Variants in FER observed in about 807,000 individuals in gnomAD.
The protein encoded by FER is tyrosine-protein kinase Fer.
A neutral mutation model predicts 111.0 loss-of-function variants in FER; 63 were observed. The observed-to-expected ratio is 0.57, with a 90% CI of 0.46 to 0.70. The LOEUF (loss-of-function observed/expected upper bound fraction) is 0.70, where lower values mean the gene tolerates loss of function less well. Among genes scored for constraint, FER ranks in the 30% least tolerant of loss-of-function variants. FER has a pLI of 0.00. For missense variants in FER, 914 were observed against 954.0 expected, an observed-to-expected ratio of 0.96 and a Z score of 0.55; for synonymous variants, 327 against 313.9, an observed-to-expected ratio of 1.04 and a Z score of -0.44.
At chr5:108,770,709 T>G (rs977939838) in intron 2 of FER, among the ~76,000 whole-genome samples, 9 of 152,170 alleles carry the variant, frequency 5.9e-5, no homozygotes, top group African/African-American at 2.2e-4. Context: ...CACCCTTAGA[T>G]GTATGTCATA....
intron 2 of FER, among the ~76,000 whole-genome samples, chr5:108,771,991 A>T (rs930518210): frequency 1.3e-5 from 2 of 152,192 alleles, no homozygotes; most frequent in Admixed American, 1.3e-4. Context: ...GGAGTCTAGG[A>T]AGTCCAACAT....
intron 5 of FER, among the ~76,000 whole-genome samples, chr5:108,836,587 T>TAA (rs1760684877): frequency 1.3e-5 from 2 of 152,178 alleles, no homozygotes; most frequent in South Asian, 4.1e-4. Flanking sequence ...GAATCTCTAT[T>TAA]TTATTTTGGT....
At chr5:109,186,765 A>G (rs1758918213) in intron 19 of FER, among the ~76,000 whole-genome samples, 1 of 152,224 alleles carries the variant, frequency 6.6e-6, no homozygotes, top group African/African-American at 2.4e-5. Flanking sequence ...ATAGATGGGA[A>G]TAACTAAGTA....
At chr5:109,132,802 T>A (rs1166142393) in intron 17 of FER, among the ~76,000 whole-genome samples, 1 of 152,172 alleles carries the variant, frequency 6.6e-6, no homozygotes. Context: ...AAAGGGACTG[T>A]CACATCATCT....
At chr5:108,836,302 A>T (rs958654201) in intron 5 of FER, among the ~76,000 whole-genome samples, 2 of 152,114 alleles carry the variant, frequency 1.3e-5, no homozygotes, top group African/African-American at 4.8e-5. Context: ...AGAGAAGCAT[A>T]TTATTTATGT....
intron 13 of FER, among the ~76,000 whole-genome samples, chr5:109,028,640 G>A (rs766611716): frequency 2.0e-5 from 3 of 152,176 alleles, no homozygotes; most frequent in African/African-American, 2.4e-5. Flanking sequence ...ACACCCCCAA[G>A]TTCAGTGATC....
intron 10 of FER, chr5:108,924,893 A>G: frequency 2.2e-6 from 2 of 907,434 alleles, no homozygotes; most frequent in Non-Finnish European, 2.9e-6. Context: ...AATGGGAAGG[A>G]TAATTTCTCT....
intron 17 of FER, among the ~76,000 whole-genome samples, chr5:109,140,169 GAT>G (rs1753374836): frequency 6.6e-6 from 1 of 152,104 alleles, no homozygotes; most frequent in South Asian, 2.1e-4. Context: ...ATTAAAAATT[GAT>G]TATTTGAGTG....
chr5:109,059,450 C>A (rs757935492), intron 16 of FER, among the ~76,000 whole-genome samples: 3 of 152,098 alleles, frequency 2.0e-5, no homozygotes, highest in Admixed American at 1.3e-4. Context: ...ATCGCTTGAA[C>A]CCGGGAGGCG....
At chr5:109,020,452 ATTCT>A (rs1275738046) in intron 13 of FER, among the ~76,000 whole-genome samples, 1 of 151,938 alleles carries the variant, frequency 6.6e-6, no homozygotes, top group African/African-American at 2.4e-5. Flanking sequence ...CATCCTTTTC[ATTCT>A]TTGTTATTTA....
intron 3 of FER, among the ~76,000 whole-genome samples, chr5:108,830,320 G>T (rs545320095): frequency 1.4e-4 from 22 of 152,182 alleles, no homozygotes; most frequent in South Asian, 4.2e-4. Context: ...TGGGCGTAGT[G>T]GTTCACACAT....
Position 108,867,763 on chromosome 5 carries a change from T to TTTC in FER, c.482-4_482-3insTTC, listed in dbSNP as rs1561536164. ...TAACTTTCTTCAGTTTTTTTTTTTT[T>TTTC]CAGGGAAGGAAACTGAAAAGGCCAA... On this transcript the variant is annotated splice_polypyrimidine_tract_variant and splice_region_variant and intron_variant, in intron 5 of 19. Coordinates refer to ENST00000281092, the MANE Select transcript of FER (RefSeq NM_005246.4). The TTTC allele has an allele frequency of 1.9e-6, 3 of 1,589,556 alleles. No individual in the cohort carries two copies. The African/African-American group carries it at 4.2e-5, about 22-fold the overall frequency.
chr5:108,759,715 G>A (rs1751506750), intron 1 of FER, among the ~76,000 whole-genome samples: 1 of 152,210 alleles, frequency 6.6e-6, no homozygotes, highest in Non-Finnish European at 1.5e-5. Flanking sequence ...TCACATGGCA[G>A]AAGAGAAGAG....
intron 2 of FER, among the ~76,000 whole-genome samples, chr5:108,794,526 A>ACCCCCCCCCCC (rs138716410): frequency 4.2e-4 from 45 of 106,348 alleles, no homozygotes; most frequent in Admixed American, 5.1e-4. Flanking sequence ...CCCCCTCCGC[A>ACCCCCCCCCCC]CCCCCCCCCC....
Position 108,927,776 on chromosome 5 carries a change from C to A in FER, c.1237-18354C>A, listed in dbSNP as rs960149469. On this transcript the variant is annotated intron_variant, in intron 10 of 19. Transcript: ENST00000281092. ...GTCATTTTGGGATGACGTTAGCAGT[C>A]ACGTGGAAGACCCACCTAAAATTTA... is the stretch of plus-strand genomic sequence containing the variant. Among the ~76,000 whole-genome samples, 5 of 152,282 alleles carry A rather than the reference C, an allele frequency of 3.3e-5. No individual in the cohort carries two copies. The East Asian group carries it at 9.7e-4, about 29-fold the overall frequency.
chr5:109,155,536 C>G (rs941381032), intron 17 of FER, among the ~76,000 whole-genome samples: 1 of 151,462 alleles, frequency 6.6e-6, no homozygotes, highest in African/African-American at 2.4e-5. Flanking sequence ...TAATTGTAGC[C>G]CAAAGTAAAA....
chr5:108,870,779 C>T (rs537645088), intron 6 of FER, among the ~76,000 whole-genome samples: 5 of 152,148 alleles, frequency 3.3e-5, no homozygotes, highest in South Asian at 4.1e-4. Context: ...CTGGTCTCTG[C>T]GACAGAATAG....
intron 17 of FER, among the ~76,000 whole-genome samples, chr5:109,147,095 C>A (rs999752644): frequency 6.6e-6 from 1 of 151,206 alleles, no homozygotes; most frequent in African/African-American, 2.4e-5. Flanking sequence ...AGATGAAAGG[C>A]AAGTCACAGA....
At chr5:109,082,469 C>T (rs562169776) in intron 16 of FER, among the ~76,000 whole-genome samples, 1 of 152,006 alleles carries the variant, frequency 6.6e-6, no homozygotes, top group Admixed American at 6.6e-5. Context: ...CCAGCCCAGG[C>T]CCTGACTTAT....
Sources: allele counts gnomAD v4.1 joint callset (sites outside exome capture counted in the v4.1 genomes callset), GRCh38; gene constraint gnomAD v4.1.1; transcripts MANE v1.5; gene names NCBI Gene and HGNC (gene_info 2026-07-23, HGNC 2026-07-21).